KIF3B: variants seen among roughly 807,000 people sequenced by gnomAD.
KIF3B encodes the protein kinesin-like protein KIF3B.
In KIF3B, 38 loss-of-function variants were observed where a neutral mutation model predicts 74.3. The ratio of observed to expected loss-of-function variants is 0.51; its 90% CI spans 0.39 to 0.67. The LOEUF (loss-of-function observed/expected upper bound fraction) is 0.67, where lower values mean the gene tolerates loss of function less well. Among genes scored for constraint, KIF3B ranks in the 30% least tolerant of loss-of-function variants. The pLI, the probability that KIF3B is intolerant of heterozygous loss-of-function variation, is 0.00. For missense variants in KIF3B, 649 were observed against 932.0 expected (o/e 0.70, Z 3.95); for synonymous variants, 326 against 342.5 (o/e 0.95, Z 0.53).
chr20:32,301,713 G>A lies in KIF3B; in HGVS notation c.-65-8000G>A, dbSNP rs117905486. 5.9e-5 allele frequency among the ~76,000 whole-genome samples: 9 copies of A among 152,238 alleles called. No individual in the cohort carries two copies. The East Asian group carries it at 1.7e-3, about 29-fold the overall frequency. On this transcript the variant is annotated intron_variant, in intron 1 of 8. Transcript: ENST00000375712. ...AAATACCAGGTGGGCCAAATGAAAT[G>A]TTTTAGATAGAATGTAACCAGTTTG...
intron 1 of KIF3B, among the ~76,000 whole-genome samples, chr20:32,287,621 G>A (rs533039699): frequency 7.9e-4 from 121 of 152,234 alleles, no homozygotes; most frequent in African/African-American, 2.8e-3. Context: ...ACGCCTTGCT[G>A]TGTTTTTGTG....
At chr20:32,315,507 C>A (rs1031945163) in intron 2 of KIF3B, among the ~76,000 whole-genome samples, 4 of 152,086 alleles carry the variant, frequency 2.6e-5, no homozygotes, top group African/African-American at 9.7e-5. Context: ...GAATTCAAGA[C>A]CAGCCCAGAC....
At chr20:32,325,653 C>CTTTTTTTTTTTATTTTT (rs200570783) in intron 5 of KIF3B, among the ~76,000 whole-genome samples, 1 of 90,304 alleles carries the variant, frequency 1.1e-5, no homozygotes, top group Non-Finnish European at 2.2e-5. Flanking sequence ...CTCTCTCTCT[C>CTTTTTTTTTTTATTTTT]TCTTTTTTTT....
At chr20:32,323,222 C>G (rs1242413083) in intron 5 of KIF3B, among the ~76,000 whole-genome samples, 1 of 135,936 alleles carries the variant, frequency 7.4e-6, no homozygotes, top group Non-Finnish European at 1.5e-5. Context: ...TTTGTCTACA[C>G]AATGATATTT....
chr20:32,304,122 C>G (rs6058635), intron 1 of KIF3B, among the ~76,000 whole-genome samples: 101,719 of 152,154 alleles, frequency 0.67, 35,532 homozygotes, highest in East Asian at 0.99. Flanking sequence ...GAGGGTAAGA[C>G]GTCTTCTGGA....
At position 32,326,755 on chromosome 20, in the gene KIF3B, A is replaced by G. The variant is rs772281347; in HGVS notation, c.1749-16A>G. The G allele has an allele frequency of 5.2e-6, 5 of 969,502 alleles. No individual in the cohort carries two copies. The highest frequency in any genetic ancestry group is 2.4e-5 in the East Asian group (1 of 42,000). The allele number at this position is 969,502 out of a possible 1,614,324, so 60.1% of individuals were successfully genotyped here. ...TATTCTGTATCTGTTTTCACCTGTTATGTGTGCTCTTACAGGCATCTTATT... is the reference window on the plus strand; with the variant it reads ...TATTCTGTATCTGTTTTCACCTGTTGTGTGTGCTCTTACAGGCATCTTATT... On this transcript the variant is annotated splice_polypyrimidine_tract_variant and intron_variant, in intron 5 of 8. Coordinates refer to ENST00000375712, the MANE Select transcript of KIF3B (RefSeq NM_004798.4).
chr20:32,312,473 G>A (rs1223427720), intron 2 of KIF3B, among the ~76,000 whole-genome samples: 1 of 152,068 alleles, frequency 6.6e-6, no homozygotes, highest in East Asian at 1.9e-4. Context: ...TGAATTCGGT[G>A]TTTATTGTTT....
At chr20:32,327,423 CAG>C in intron 6 of KIF3B, 131 bp from the exon 7 acceptor site, 1 of 643,850 alleles carries the variant, frequency 1.6e-6, no homozygotes, top group Non-Finnish European at 2.7e-6. Context: ...AAGCAGAAAA[CAG>C]AAGCATTTCC....
rs1331771302 is a variant in KIF3B, at chr20:32,322,692, A to T, written c.1749-4079A>T. Among the ~76,000 whole-genome samples, 110 of 72,190 alleles carry T rather than the reference A, an allele frequency of 1.5e-3. 21 individuals are homozygous for T. Among genetic ancestry groups the T allele is most frequent in the African/African-American group, 7.7e-3 (103 of 13,384 alleles). 47.4% of individuals were successfully genotyped at this position (72,190 alleles called of 152,430 possible). ...TATATTTATATATTTATATATATTT[A>T]TATATATTTATATATTTATATATAT... is the stretch of plus-strand genomic sequence containing the variant. On this transcript the variant is annotated intron_variant, in intron 5 of 8. Transcript: ENST00000375712.
At chr20:32,299,404 T>TATATATATATATATATA (rs1555895045) in intron 1 of KIF3B, among the ~76,000 whole-genome samples, 5 of 31,308 alleles carry the variant, frequency 1.6e-4, no homozygotes, top group African/African-American at 3.6e-4. Context: ...TATATATATA[T>TATATATATATATATATA]TTTTTTTTTT....
At chr20:32,288,938 C>T (rs1340190796) in intron 1 of KIF3B, among the ~76,000 whole-genome samples, 1 of 152,116 alleles carries the variant, frequency 6.6e-6, no homozygotes, top group Non-Finnish European at 1.5e-5. Flanking sequence ...TCTGTTGGAT[C>T]AACTTTGGAA....
In KIF3B at chr20:32,310,833, T is replaced by A. The variant is rs1182775992; in HGVS notation, c.1056T>A (p.Asp352Glu). Residue 352 changes from aspartate to glutamate, a missense_variant, in exon 2 of 9, where the codon GAT (aspartate) becomes GAA (glutamate). Around this residue, in one of 4 missense-constraint regions of KIF3B, gnomAD observed 363 missense variants for 592.8 expected, o/e 0.61. Transcript: ENST00000375712. This position sits in a 1 kb window ranked among gnomAD's most constrained non-coding sequence, Gnocchi z 6.5. ...CAAGGGTCAATGAGGACCCCAAGGATGCCCTCCTTCGAGAATTCCAGGAAG... is the reference window on the plus strand; with the variant it reads ...CAAGGGTCAATGAGGACCCCAAGGAAGCCCTCCTTCGAGAATTCCAGGAAG... Reference protein sequence around the residue: ...NKPRVNEDPKDALLREFQEEI... With the variant: ...NKPRVNEDPKEALLREFQEEI... 20 of 1,613,912 alleles carry A rather than the reference T, an allele frequency of 1.2e-5. No homozygotes were observed. The highest frequency in any genetic ancestry group is 1.6e-5 in the Non-Finnish European group (19 of 1,180,000).
intron 1 of KIF3B, among the ~76,000 whole-genome samples, chr20:32,285,859 T>C (rs1343837294): frequency 6.6e-6 from 1 of 152,210 alleles, no homozygotes; most frequent in Non-Finnish European, 1.5e-5. Flanking sequence ...GCTCATCTTA[T>C]CAGCATCACA....
chr20:32,327,609 T>C lies in KIF3B; in HGVS notation c.1916T>C (p.Leu639Ser). The part of the protein sequence containing the change: ...PVSAVGYKRP[L>S]SQHARMSMMI... Reference sequence around the variant, plus strand: ...TCAGCCGTGGGATATAAGAGACCATTGAGCCAGCACGCAAGAATGTCCATG... The same window carrying C: ...TCAGCCGTGGGATATAAGAGACCATCGAGCCAGCACGCAAGAATGTCCATG... Residue 639 changes from leucine to serine, a missense_variant, in exon 7 of 9, where the codon TTG (leucine) becomes TCG (serine). Coordinates refer to ENST00000375712, the MANE Select transcript of KIF3B (RefSeq NM_004798.4). The C allele has an allele frequency of 6.2e-7, 1 of 1,613,550 alleles. No individual in the cohort carries two copies.
chr20:32,289,762 T>C (rs2047682882), intron 1 of KIF3B, among the ~76,000 whole-genome samples: 1 of 152,208 alleles, frequency 6.6e-6, no homozygotes, highest in Admixed American at 6.5e-5. Flanking sequence ...CAGGTGATGA[T>C]AGACATGGCG....
intron 8 of KIF3B, among the ~76,000 whole-genome samples, chr20:32,331,007 G>A (rs1284419540): frequency 1.3e-5 from 2 of 152,198 alleles, no homozygotes; most frequent in African/African-American, 2.4e-5. Context: ...CAATTGCTAA[G>A]CATCAGAGTC....
chr20:32,327,000 A>G, intron 6 of KIF3B, 116 bp downstream of exon 6: 1 of 607,678 alleles, frequency 1.6e-6, no homozygotes, highest in Non-Finnish European at 2.9e-6. Context: ...TGGCTTATTT[A>G]AACTCAAAAC....
At chr20:32,316,414 T>TGA (rs2047827848) in intron 3 of KIF3B, 95 bp downstream of exon 3, 2 of 1,553,854 alleles carry the variant, frequency 1.3e-6, no homozygotes, top group East Asian at 4.5e-5. Context: ...TCAAAGAGAA[T>TGA]GAGAGCAAGG....
At chr20:32,328,043 T>C (rs1458789900) in intron 7 of KIF3B, among the ~76,000 whole-genome samples, 2 of 149,958 alleles carry the variant, frequency 1.3e-5, no homozygotes, top group Non-Finnish European at 3.0e-5. Context: ...AGAGGCTGCA[T>C]TGAGCCAAGA....
Sources: gnomAD v4.1 joint callset for allele counts (sites outside exome capture counted in the v4.1 genomes callset) on GRCh38, gnomAD v4.1.1 for gene constraint, gnomAD v4.1.1 regional missense constraint, Gnocchi (gnomAD v3.1) non-coding constraint, MANE v1.5 for transcripts, NCBI Gene and HGNC (gene_info 2026-07-23, HGNC 2026-07-21) for gene names.